WWP1: variants seen among roughly 807,000 people sequenced by gnomAD.
WWP1 encodes the protein NEDD4-like E3 ubiquitin-protein ligase WWP1.
WWP1 carries 49 observed loss-of-function variants against 130.6 expected under a neutral mutation model. The ratio of observed to expected loss-of-function variants is 0.38; its 90% CI spans 0.30 to 0.48. WWP1 has a LOEUF of 0.48. Ranked by LOEUF, WWP1 falls within the 20% of genes least tolerant of loss-of-function variation. The probability of loss-of-function intolerance (pLI) is 0.99; values close to 1 mark genes in which losing one functional copy is unlikely to be tolerated. For synonymous variants in WWP1, 332 were observed against 367.8 expected (o/e 0.90, Z 1.11); for missense variants, 809 against 1,100.6 (o/e 0.74, Z 3.75).
intron 1 of WWP1, among the ~76,000 whole-genome samples, chr8:86,345,675 G>A (rs1822535397): frequency 6.6e-6 from 1 of 152,014 alleles, no homozygotes. Flanking sequence ...GCCTTCCTAA[G>A]TGCTGGGATT....
At chr8:86,355,336 C>T (rs1451115218) in intron 1 of WWP1, among the ~76,000 whole-genome samples, 10 of 152,162 alleles carry the variant, frequency 6.6e-5, no homozygotes, top group African/African-American at 2.4e-4. Context: ...CTCTGTGTTT[C>T]TGAGTAATTC....
At chr8:86,401,008 T>C (rs1461352708) in intron 7 of WWP1, among the ~76,000 whole-genome samples, 1 of 152,046 alleles carries the variant, frequency 6.6e-6, no homozygotes, top group African/African-American at 2.4e-5. Flanking sequence ...TTGAACTTTT[T>C]TTGTTTTTTT....
At chr8:86,366,554 T>C (rs536573957) in intron 1 of WWP1, among the ~76,000 whole-genome samples, 1 of 152,334 alleles carries the variant, frequency 6.6e-6, no homozygotes, top group South Asian at 2.1e-4. Flanking sequence ...TAGTGATGAG[T>C]AGTTCCTATC....
At chr8:86,465,486 C>T (rs1429071587) in intron 24 of WWP1, among the ~76,000 whole-genome samples, 2 of 151,994 alleles carry the variant, frequency 1.3e-5, no homozygotes, top group Non-Finnish European at 2.9e-5. Context: ...GTTAGCTGGC[C>T]ATGGTGGCAT....
intron 1 of WWP1, among the ~76,000 whole-genome samples, chr8:86,346,133 C>T (rs1822564052): frequency 6.6e-6 from 1 of 152,176 alleles, no homozygotes; most frequent in Non-Finnish European, 1.5e-5. Flanking sequence ...AGTATCTACT[C>T]TCCTTGTTTA....
intron 9 of WWP1, among the ~76,000 whole-genome samples, chr8:86,412,915 G>A (rs1455016011): frequency 3.3e-5 from 5 of 151,922 alleles, no homozygotes; most frequent in East Asian, 1.9e-4. Context: ...TGCAACTTCC[G>A]CCTCCCAGGT....
chr8:86,417,455 T>C (rs116113062), intron 9 of WWP1, among the ~76,000 whole-genome samples: 290 of 152,296 alleles, frequency 1.9e-3, no homozygotes, highest in African/African-American at 6.7e-3. Context: ...CGAAAGCAGT[T>C]CTGAATATAA....
chr8:86,407,402 C>G (rs758102490), intron 8 of WWP1, among the ~76,000 whole-genome samples: 3 of 152,124 alleles, frequency 2.0e-5, no homozygotes, highest in Non-Finnish European at 4.4e-5. Flanking sequence ...CATATTGGCC[C>G]AGGTAATTCT....
At chr8:86,424,331 G>A (rs1468434859) in intron 9 of WWP1, among the ~76,000 whole-genome samples, 10 of 148,862 alleles carry the variant, frequency 6.7e-5, no homozygotes, top group African/African-American at 9.8e-5. Flanking sequence ...CTGGGCAGCC[G>A]GGCAGAGGGG....
intron 16 of WWP1, among the ~76,000 whole-genome samples, chr8:86,437,137 C>T (rs34227066): frequency 0.27 from 41,053 of 152,084 alleles, 6,404 homozygotes; most frequent in East Asian, 0.54. Flanking sequence ...CGACTGCCTC[C>T]AAGGAGGCAT....
chr8:86,412,616 G>A (rs1238139873), intron 9 of WWP1, among the ~76,000 whole-genome samples: 1 of 151,732 alleles, frequency 6.6e-6, no homozygotes, highest in East Asian at 1.9e-4. Context: ...GTCAACTGTT[G>A]TAGCTATTGA....
intron 18 of WWP1, among the ~76,000 whole-genome samples, chr8:86,446,796 A>G (rs1434362981): frequency 6.6e-6 from 1 of 152,194 alleles, no homozygotes; most frequent in Non-Finnish European, 1.5e-5. Context: ...TATAAGGAAT[A>G]TGAGAGCAAT....
rs189100808 is a variant in WWP1 at position 86,396,658 on chromosome 8, A to G, written c.335-1684A>G. The stretch of plus-strand genomic sequence containing the variant: ...ACTCCCACTCGAGTACAATAGTGCA[A>G]TCATCACTTGCTGCAGCCTCGAACT... On this transcript the variant is annotated intron_variant, in intron 5 of 24. Transcript: ENST00000517970. 1.1e-4 allele frequency among the ~76,000 whole-genome samples: 16 copies of G among 151,736 alleles called. No homozygotes were observed. The East Asian group carries it at 2.7e-3, about 26-fold the overall frequency.
At chr8:86,370,260 A>G (rs990514747) in intron 2 of WWP1, among the ~76,000 whole-genome samples, 6 of 152,224 alleles carry the variant, frequency 3.9e-5, no homozygotes, top group African/African-American at 1.4e-4. Context: ...AAACATTTAA[A>G]CATCATAAAA....
chr8:86,417,140 C>T (rs896763739), intron 9 of WWP1: 1 of 152,270 alleles, frequency 6.6e-6, no homozygotes, highest in Non-Finnish European at 1.5e-5. Context: ...TGAAATTGGC[C>T]AGGCTGCTCC....
At chr8:86,360,068 C>CAA (rs751631392) in intron 1 of WWP1, among the ~76,000 whole-genome samples, 1 of 131,422 alleles carries the variant, frequency 7.6e-6, no homozygotes, top group East Asian at 2.1e-4. Context: ...AAACAAAAAA[C>CAA]AAAAAAAAAA....
chr8:86,400,522 G>A (rs991064896), intron 7 of WWP1, among the ~76,000 whole-genome samples: 1 of 152,014 alleles, frequency 6.6e-6, no homozygotes, highest in East Asian at 1.9e-4. Flanking sequence ...AGATTAATAA[G>A]CCACAAATGA....
chr8:86,435,734 C>G (rs1272064948), intron 16 of WWP1, 30 bp downstream of exon 16: 2 of 1,598,586 alleles, frequency 1.3e-6, no homozygotes, highest in Non-Finnish European at 1.7e-6. Flanking sequence ...AATAAAACAC[C>G]ATTTGTCTCA....
intron 10 of WWP1, among the ~76,000 whole-genome samples, chr8:86,427,398 TA>T (rs369996949): frequency 2.1e-5 from 3 of 145,438 alleles, no homozygotes; most frequent in Non-Finnish European, 4.5e-5. Context: ...AAAGTAAAAT[TA>T]AAAAAAAAAG....
Sources: gnomAD v4.1 joint callset for allele counts (sites outside exome capture counted in the v4.1 genomes callset) on GRCh38, gnomAD v4.1.1 for gene constraint, MANE v1.5 for transcripts, NCBI Gene and HGNC (gene_info 2026-07-23, HGNC 2026-07-21) for gene names.